Variants in TRPM3 observed in about 807,000 individuals in gnomAD.
The protein encoded by TRPM3 is long transient receptor potential channel 3.
Under a neutral mutation model 181.2 loss-of-function variants are expected in TRPM3, and 77 were observed. That is an observed-to-expected ratio of 0.42 (90% CI 0.35 to 0.51). The LOEUF is 0.51. Ranked by LOEUF, TRPM3 falls within the 20% of genes least tolerant of loss-of-function variation. The pLI, the probability that TRPM3 is intolerant of heterozygous loss-of-function variation, is 0.01. For missense variants in TRPM3, 1,759 were observed against 2,196.7 expected (o/e 0.80, Z 3.98); for synonymous variants, 745 against 796.4 (o/e 0.94, Z 1.09).
In TRPM3 at chr9:70,757,038, T is replaced by C. The variant is rs536277910; in HGVS notation, c.1272+4563A>G. On this transcript the variant is annotated intron_variant, in intron 8 of 25. Transcript: ENST00000677713. ...ACGAAAAACACTTCAAAAAAATCAA[T>C]GAATCCAGGAGGTGGTTTTTCTGAA... is the stretch of plus-strand genomic sequence containing the variant. Among the ~76,000 whole-genome samples the C allele has an allele frequency of 4.6e-5, 7 of 152,090 alleles. No individual in the cohort carries two copies. The East Asian group carries it at 7.7e-4, about 17-fold the overall frequency.
chr9:71,429,206 T>C (rs2093985323), intron 1 of TRPM3, among the ~76,000 whole-genome samples: 1 of 152,214 alleles, frequency 6.6e-6, no homozygotes, highest in South Asian at 2.1e-4. Flanking sequence ...GTAGCTCACC[T>C]GTCAATCTTT....
intron 1 of TRPM3, among the ~76,000 whole-genome samples, chr9:71,338,501 G>C (rs1412983766): frequency 6.6e-6 from 1 of 152,078 alleles, no homozygotes; most frequent in Non-Finnish European, 1.5e-5. Flanking sequence ...AGAATTAGTG[G>C]ACAAGAATTG....
At chr9:70,856,750 A>C (rs1462737523) in intron 3 of TRPM3, among the ~76,000 whole-genome samples, 1 of 152,196 alleles carries the variant, frequency 6.6e-6, no homozygotes, top group Non-Finnish European at 1.5e-5. Context: ...GATTATAATA[A>C]GGGGCTCAAC....
chr9:71,158,978 T>A (rs79151669), intron 1 of TRPM3, among the ~76,000 whole-genome samples: 2,477 of 152,122 alleles, frequency 0.016, 39 homozygotes, highest in East Asian at 0.073. Flanking sequence ...ATCTACACCA[T>A]CAGTGCTCTG....
rs138004518 is a variant in TRPM3 at position 71,370,872 on chromosome 9, C to G, written c.183+75781G>C. 5.9e-3 allele frequency among the ~76,000 whole-genome samples: 895 copies of G among 152,256 alleles called. 9 individuals carry two copies. Among genetic ancestry groups the G allele is most frequent in the African/African-American group, 0.02 (832 of 41,540 alleles). The stretch of plus-strand genomic sequence containing the variant: ...AAGACTGGCTGACTCTTGTTAGGGG[C>G]TCACACAGCTGATGACTTTAACTTG... On this transcript the variant is annotated intron_variant, in intron 1 of 24. Coordinates refer to the TRPM3 transcript ENST00000357533.
chr9:71,119,543 A>G (rs1282836475), intron 1 of TRPM3, among the ~76,000 whole-genome samples: 4 of 152,180 alleles, frequency 2.6e-5, no homozygotes, highest in African/African-American at 9.7e-5. Flanking sequence ...CTCCATTTAA[A>G]AAAAAACTAG....
At chr9:71,296,036 T>C (rs1023652030) in intron 1 of TRPM3, among the ~76,000 whole-genome samples, 2 of 151,982 alleles carry the variant, frequency 1.3e-5, no homozygotes, top group Non-Finnish European at 2.9e-5. Flanking sequence ...TAGAGGTGTA[T>C]AGGAAAATGT....
intron 1 of TRPM3, among the ~76,000 whole-genome samples, chr9:71,080,039 G>A (rs550740359): frequency 4.3e-4 from 66 of 152,068 alleles, no homozygotes; most frequent in African/African-American, 1.4e-3. Flanking sequence ...GCATGTTGGC[G>A]GATGCCTGTA....
chr9:70,754,142 G>A (rs2076661262), intron 8 of TRPM3, among the ~76,000 whole-genome samples: 1 of 152,148 alleles, frequency 6.6e-6, no homozygotes, highest in African/African-American at 2.4e-5. Context: ...AGCTCCAGGA[G>A]GCAGCAGCAG....
At chr9:70,662,962 C>A (rs141048910) in intron 9 of TRPM3, among the ~76,000 whole-genome samples, 4 of 152,010 alleles carry the variant, frequency 2.6e-5, no homozygotes, top group South Asian at 2.1e-4. Context: ...CAGCACAATT[C>A]GCAATGGCAA....
At chr9:71,067,896 A>G (rs1475051590) in intron 1 of TRPM3, among the ~76,000 whole-genome samples, 3 of 152,154 alleles carry the variant, frequency 2.0e-5, no homozygotes, top group African/African-American at 7.2e-5. Flanking sequence ...TTGTTGTTTC[A>G]TCACTGGTGA....
chr9:71,160,973 A>G (rs1303795009), intron 1 of TRPM3, among the ~76,000 whole-genome samples: 2 of 152,148 alleles, frequency 1.3e-5, no homozygotes, highest in Admixed American at 6.6e-5. Context: ...ATGTAAATCA[A>G]TTCAGCCTAA....
chr9:71,047,316 C>T (rs2059555885), intron 1 of TRPM3, among the ~76,000 whole-genome samples: 1 of 152,092 alleles, frequency 6.6e-6, no homozygotes, highest in African/African-American at 2.4e-5. Flanking sequence ...TAATATGGCT[C>T]TTCAATTTTT....
chr9:70,914,262 C>T (rs1372835880), intron 1 of TRPM3, among the ~76,000 whole-genome samples: 11 of 152,318 alleles, frequency 7.2e-5, no homozygotes, highest in African/African-American at 2.4e-4. Context: ...TGTGAGAACA[C>T]AGGAACATCG....
intron 1 of TRPM3, among the ~76,000 whole-genome samples, chr9:70,961,415 GCAATAGGAAA>G (rs1364491754): frequency 7.2e-5 from 11 of 152,222 alleles, no homozygotes; most frequent in Admixed American, 2.0e-4. Flanking sequence ...TGTTACAGCA[GCAATAGGAAA>G]CAATAGGAAA....
intron 1 of TRPM3, among the ~76,000 whole-genome samples, chr9:70,978,888 T>C (rs80329444): frequency 0.035 from 5,272 of 152,252 alleles, 158 homozygotes; most frequent in Non-Finnish European, 0.051. Context: ...CTTCAAACTA[T>C]TCACACTGAT....
chr9:71,262,132 C>A (rs921455311), intron 1 of TRPM3, among the ~76,000 whole-genome samples: 1 of 152,128 alleles, frequency 6.6e-6, no homozygotes, highest in Admixed American at 6.6e-5. Context: ...GTGCTCTGTC[C>A]CAGGGAGATG....
intron 17 of TRPM3, among the ~76,000 whole-genome samples, chr9:70,618,619 G>A (rs1221571807): frequency 1.3e-5 from 2 of 152,182 alleles, no homozygotes; most frequent in East Asian, 1.9e-4. Flanking sequence ...TGACTCCTCC[G>A]AAAAATATTA....
At chr9:70,900,597 T>C (rs1308207140) in intron 1 of TRPM3, among the ~76,000 whole-genome samples, 1 of 152,234 alleles carries the variant, frequency 6.6e-6, no homozygotes, top group African/African-American at 2.4e-5. Context: ...TACTTTGTAA[T>C]AATAATTTCT....
Sources: gnomAD v4.1 joint callset for allele counts (sites outside exome capture counted in the v4.1 genomes callset) on GRCh38, gnomAD v4.1.1 for gene constraint, MANE v1.5 for transcripts, NCBI Gene and HGNC (gene_info 2026-07-23, HGNC 2026-07-21) for gene names.